The following CTNNA3 variants were observed in gnomAD, a reference collection of about 807,000 sequenced individuals.
CTNNA3 encodes the protein catenin alpha 3.
In CTNNA3, 76 loss-of-function variants were observed where a neutral mutation model predicts 95.7. The observed-to-expected ratio is 0.79, with a 90% CI of 0.66 to 0.96. The LOEUF (loss-of-function observed/expected upper bound fraction) is 0.96. Ranked by LOEUF, CTNNA3 falls within the 40% of genes least tolerant of loss-of-function variation. CTNNA3 has a pLI of 0.00. For synonymous variants in CTNNA3, 431 were observed against 374.4 expected (o/e 1.15, Z -1.74); for missense variants, 1,191 against 1,089.8 (o/e 1.09, Z -1.31).
intron 1 of CTNNA3, among the ~76,000 whole-genome samples, chr10:67,716,847 T>C (rs956161779): frequency 6.6e-6 from 1 of 152,200 alleles, no homozygotes; most frequent in Non-Finnish European, 1.5e-5. Flanking sequence ...AGTAAAAGGA[T>C]TGCTGGGTCA....
At chr10:67,406,791 C>T (rs1021938923) in intron 5 of CTNNA3, among the ~76,000 whole-genome samples, 4 of 152,082 alleles carry the variant, frequency 2.6e-5, no homozygotes, top group African/African-American at 9.7e-5. Flanking sequence ...TTATGAACAC[C>T]TCTATGCACA....
At chr10:65,974,449 A>T (rs955871587) in intron 16 of CTNNA3, among the ~76,000 whole-genome samples, 1 of 152,200 alleles carries the variant, frequency 6.6e-6, no homozygotes, top group African/African-American at 2.4e-5. Context: ...AGCAATGTGG[A>T]TGCAGCTGGA....
intron 11 of CTNNA3, among the ~76,000 whole-genome samples, chr10:66,439,141 C>T (rs560787488): frequency 5.3e-4 from 81 of 152,170 alleles, no homozygotes; most frequent in Non-Finnish European, 2.1e-4. Flanking sequence ...CCTATTCAGC[C>T]ATCTTCTATT....
intron 7 of CTNNA3, among the ~76,000 whole-genome samples, chr10:66,843,393 A>C (rs1457241868): frequency 6.6e-6 from 1 of 152,180 alleles, no homozygotes; most frequent in Non-Finnish European, 1.5e-5. Context: ...AGGTATAAGA[A>C]TCAGGAGCAA....
chr10:66,058,283 G>A (rs1428269963), intron 15 of CTNNA3, among the ~76,000 whole-genome samples: 5 of 151,960 alleles, frequency 3.3e-5, no homozygotes, highest in East Asian at 1.9e-4. Context: ...TCCCTCCCTC[G>A]CTTCATTTTC....
chr10:67,180,390 C>T lies in CTNNA3; in HGVS notation c.974G>A (p.Arg325Gln), dbSNP rs773609785. 2.6e-5 allele frequency: 42 copies of T among 1,613,678 alleles called. No homozygotes were observed. The Middle Eastern group carries it at 6.6e-4, about 25-fold the overall frequency. Residue 325 changes from arginine to glutamine, a missense_variant, in exon 7 of 18, where the codon CGA (arginine) becomes CAA (glutamine). Physicochemically the swap from Arg to Gln is conservative, Grantham distance 43 (BLOSUM62 1). Coordinates refer to ENST00000433211, the MANE Select transcript of CTNNA3 (RefSeq NM_013266.4). ...GTTGCATTCTGCGATAATCCGCTCT[C>T]GGTGTAAGTCCCTCGTACATGAAGA... ...ADSSCTRDLH[R>Q]ERIIAECNAI... is the part of the protein sequence containing the mutation.
At chr10:67,497,412 T>G (rs1839062019) in intron 5 of CTNNA3, among the ~76,000 whole-genome samples, 3 of 152,206 alleles carry the variant, frequency 2.0e-5, no homozygotes, top group African/African-American at 7.2e-5. Flanking sequence ...TGTGTCTTTA[T>G]AGTAGAATGA....
chr10:67,269,038 G>A (rs1838839210), intron 5 of CTNNA3, among the ~76,000 whole-genome samples: 1 of 152,176 alleles, frequency 6.6e-6, no homozygotes, highest in Admixed American at 6.5e-5. Context: ...GTATCATAAA[G>A]CATGAGAGAA....
chr10:66,771,194 AC>A (rs1466009434), intron 8 of CTNNA3, among the ~76,000 whole-genome samples: 1 of 152,166 alleles, frequency 6.6e-6, no homozygotes, highest in African/African-American at 2.4e-5. Flanking sequence ...ATCCCATTTG[AC>A]ATACTTCATC....
At chr10:66,591,554 G>A (rs1843551789) in intron 10 of CTNNA3, among the ~76,000 whole-genome samples, 2 of 152,050 alleles carry the variant, frequency 1.3e-5, no homozygotes, top group South Asian at 4.1e-4. Context: ...TCTGACTCTA[G>A]AAGAGATGCT....
chr10:67,006,980 C>T (rs191572608), intron 7 of CTNNA3, among the ~76,000 whole-genome samples: 243 of 151,996 alleles, frequency 1.6e-3, no homozygotes, highest in African/African-American at 5.4e-3. Context: ...GTTTTTAGTA[C>T]AGATGGGGTT....
chr10:66,277,176 ATAAT>A (rs1310578439), intron 13 of CTNNA3, among the ~76,000 whole-genome samples: 3 of 152,176 alleles, frequency 2.0e-5, no homozygotes, highest in Non-Finnish European at 1.5e-5. Flanking sequence ...AACTGCTAGC[ATAAT>A]TATTGATCAA....
intron 5 of CTNNA3, among the ~76,000 whole-genome samples, chr10:67,427,696 A>G (rs951781506): frequency 2.0e-5 from 3 of 152,066 alleles, no homozygotes; most frequent in African/African-American, 7.2e-5. Flanking sequence ...ATAAATCAAT[A>G]AAATGACCAG....
rs537055698 is a variant in CTNNA3 at position 66,761,310 on chromosome 10, A to T, written c.1281+4954T>A. ...ATGTCCACCCACTTTTTCCTTTCTGATGAAAGGCTCCCATGAAACTTACTA... is the reference window on the plus strand; with the variant it reads ...ATGTCCACCCACTTTTTCCTTTCTGTTGAAAGGCTCCCATGAAACTTACTA... On this transcript the variant is annotated intron_variant, in intron 9 of 17. Transcript: ENST00000433211. 1.8e-3 allele frequency among the ~76,000 whole-genome samples: 269 copies of T among 152,202 alleles called. 1 individual carries two copies. The highest frequency in any genetic ancestry group is 6.0e-3 in the African/African-American group (250 of 41,538).
At chr10:67,679,975 G>A (rs1201808127) in intron 1 of CTNNA3, among the ~76,000 whole-genome samples, 1 of 152,068 alleles carries the variant, frequency 6.6e-6, no homozygotes, top group Non-Finnish European at 1.5e-5. Context: ...CATTAATAAG[G>A]GACTGGTTAA....
rs1848166159 is a variant in CTNNA3, at chr10:67,480,157, G to A, written c.579+41685C>T. Among the ~76,000 whole-genome samples the A allele has an allele frequency of 2.0e-5, 3 of 151,750 alleles. 1 individual carries two copies. In the South Asian group the frequency reaches 6.2e-4, roughly 31 times the overall value. ...ATTTACAGTCAAAATTCCACCAGAT[G>A]TACAAAGAAGAGTTTATAGCAATCC... On this transcript the variant is annotated intron_variant, in intron 5 of 17. Transcript: ENST00000433211.
At chr10:66,990,764 T>C (rs1005390027) in intron 7 of CTNNA3, among the ~76,000 whole-genome samples, 3 of 152,174 alleles carry the variant, frequency 2.0e-5, no homozygotes. Flanking sequence ...CACTACTTGA[T>C]AATGTTCATA....
intron 13 of CTNNA3, among the ~76,000 whole-genome samples, chr10:66,248,211 T>A (rs1911468): frequency 0.99 from 149,862 of 152,062 alleles, 73,868 homozygotes; most frequent in East Asian, 1. Flanking sequence ...AGTATTTGCA[T>A]GCTTCATAGT....
intron 17 of CTNNA3, among the ~76,000 whole-genome samples, chr10:65,952,074 A>T: frequency 6.6e-6 from 1 of 151,892 alleles, no homozygotes; most frequent in Admixed American, 6.6e-5. Context: ...CATTGTTTAT[A>T]AAATGAATAT....
Sources: allele counts gnomAD v4.1 joint callset (sites outside exome capture counted in the v4.1 genomes callset), GRCh38; gene constraint gnomAD v4.1.1; transcripts MANE v1.5; gene names NCBI Gene and HGNC (gene_info 2026-07-23, HGNC 2026-07-21).